Variants in QSOX2 observed in about 807,000 individuals in gnomAD.
QSOX2 encodes the protein quiescin sulfhydryl oxidase 2.
Under a neutral mutation model 61.7 loss-of-function variants are expected in QSOX2, and 46 were observed. The ratio of observed to expected loss-of-function variants is 0.75; its 90% CI spans 0.59 to 0.95. The LOEUF (loss-of-function observed/expected upper bound fraction) is 0.95, where lower values mean the gene tolerates loss of function less well. Ranked by LOEUF, QSOX2 falls within the 40% of genes least tolerant of loss-of-function variation. QSOX2 has a pLI of 0.00. For synonymous variants in QSOX2, 383 were observed against 388.4 expected, an observed-to-expected ratio of 0.99 and a Z score of 0.16; for missense variants, 879 against 918.9, an observed-to-expected ratio of 0.96 and a Z score of 0.56.
rs932714070 is a variant in QSOX2 at position 136,211,421 on chromosome 9, C to G, written c.1392G>C (p.Gln464His). The change falls in exon 11 of 12, where the codon CAG becomes CAC. Residue 464 changes from glutamine (Q) to histidine (H), a missense_variant. Physicochemically the swap from Gln to His is conservative, Grantham distance 24. Transcript: ENST00000358701. ...GFEDDPQAVL[Q>H]TMRRYVHTFF... is the part of the protein sequence containing the mutation. ...AGGTGTGAACGTACCTCCTCATTGT[C>G]TGCAGCACAGCCTGGGGGTCGTCTT... 4 of 1,614,048 alleles carry G rather than the reference C, an allele frequency of 2.5e-6. No homozygotes were observed. The highest frequency in any genetic ancestry group is 3.4e-6 in the Non-Finnish European group (4 of 1,180,040).
intron 2 of QSOX2, 146 bp downstream of exon 2, chr9:136,226,627 AC>A (rs1830284490): frequency 1.4e-6 from 1 of 738,180 alleles, no homozygotes; most frequent in South Asian, 1.5e-5. Flanking sequence ...TACAATTCCT[AC>A]GAAGTTCCAA....
Position 136,211,351 on chromosome 9 carries a change from T to C in QSOX2, c.1462A>G (p.Lys488Glu). The C allele has an allele frequency of 6.2e-7, 1 of 1,614,222 alleles. No individual in the cohort carries two copies. The highest frequency in any genetic ancestry group is 8.5e-7 in the Non-Finnish European group (1 of 1,180,042). Residue 488 changes from lysine to glutamate, a missense_variant, in exon 11 of 12, where the codon AAA (lysine) becomes GAA (glutamate). Physicochemically the swap from Lys to Glu is moderately conservative, Grantham distance 56. Coordinates refer to ENST00000358701, the MANE Select transcript of QSOX2 (RefSeq NM_181701.4). ...ECGEHFEEMAKESMDSVKTPD... is the reference protein window; with the variant it reads ...ECGEHFEEMAEESMDSVKTPD... The stretch of plus-strand genomic sequence containing the variant: ...GTTTTCACCGAGTCCATGGATTCTT[T>C]AGCCATTTCCTCAAAGTGCTCACCA...
In QSOX2 at chr9:136,216,502, G is replaced by C. The variant is rs954093248; in HGVS notation, c.1209+98C>G. 6 of 1,512,628 alleles carry C rather than the reference G, an allele frequency of 4.0e-6. No individual in the cohort carries two copies. The Admixed American group carries it at 1.0e-4, about 26-fold the overall frequency. The allele number at this position is 1,512,628 out of a possible 1,614,324, so 93.7% of individuals were successfully genotyped here. A position where few individuals can be genotyped will look rare whatever the true frequency, so the allele number is the denominator to read the frequency against. On this transcript the variant is annotated intron_variant, in intron 9 of 11. Coordinates refer to ENST00000358701, the MANE Select transcript of QSOX2 (RefSeq NM_181701.4). ...CACTGCTCCCCTTCCTCACAGCGGA[G>C]CCCGGGCCCCGAGCAGGGAGATGCA...
intron 1 of QSOX2, among the ~76,000 whole-genome samples, chr9:136,229,788 C>T (rs932388523): frequency 2.0e-5 from 3 of 152,234 alleles, no homozygotes; most frequent in Admixed American, 6.5e-5. Context: ...CCTGCTGCCC[C>T]AGGCACTTGC....
chr9:136,234,990 T>A (rs2131066549), intron 1 of QSOX2, among the ~76,000 whole-genome samples: 1 of 152,340 alleles, frequency 6.6e-6, no homozygotes, highest in Middle Eastern at 3.4e-3. Flanking sequence ...CCACTTCATC[T>A]GAGTCTACCC....
rs568037179 is a variant in QSOX2, at chr9:136,222,538, C to T, written c.676-597G>A. Among the ~76,000 whole-genome samples, 2 of 152,352 alleles carry T rather than the reference C, an allele frequency of 1.3e-5. No individual in the cohort carries two copies. The highest frequency in any genetic ancestry group is 4.1e-4 in the South Asian group (2 of 4,832). ...GAACAAAACCAGCTGCTCCTCAAACCAAGGGCCCTGGCTAAAGGTGTGAAC... is the reference window on the plus strand; with the variant it reads ...GAACAAAACCAGCTGCTCCTCAAACTAAGGGCCCTGGCTAAAGGTGTGAAC... On this transcript the variant is annotated intron_variant, in intron 5 of 11. Coordinates refer to ENST00000358701, the MANE Select transcript of QSOX2 (RefSeq NM_181701.4). The surrounding 1 kb of genome is among the most constrained non-coding windows in gnomAD (Gnocchi z 6.9).
chr9:136,209,328 A>ACGTGCAG lies in QSOX2; in HGVS notation c.1550-60_1550-54dup. 1 of 1,573,826 alleles carries ACGTGCAG rather than the reference A, an allele frequency of 6.4e-7. No individual in the cohort carries two copies. Among genetic ancestry groups the ACGTGCAG allele is most frequent in the South Asian group, 1.2e-5 (1 of 85,094 alleles). On this transcript the variant is annotated intron_variant, in intron 11 of 11. Coordinates refer to ENST00000358701, the MANE Select transcript of QSOX2 (RefSeq NM_181701.4). The surrounding 1 kb of genome is among the most constrained non-coding windows in gnomAD (Gnocchi z 5.6). ...AGAGGGAAGGAGGCTTTGTGCAGCC[A>ACGTGCAG]CGTGCAGCGTGCGGCAACCGGACTC...
chr9:136,241,204 G>A (rs1364414525), intron 1 of QSOX2, among the ~76,000 whole-genome samples: 2 of 152,102 alleles, frequency 1.3e-5, no homozygotes, highest in African/African-American at 4.8e-5. Context: ...GCCATTTCTG[G>A]GCCCGTAAGG....
At position 136,225,040 on chromosome 9, in the gene QSOX2, T is replaced by G. The variant is rs374095240; in HGVS notation, c.430-131A>C. 32 of 603,458 alleles carry G rather than the reference T, an allele frequency of 5.3e-5. No homozygotes were observed. The South Asian group carries it at 6.8e-4, about 13-fold the overall frequency. The allele number at this position is 603,458 out of a possible 1,614,324, so 37.4% of individuals were successfully genotyped here. ...CCTTCGGAAAGTTTTCATAAATTAA[T>G]GACAAACCACACGCTTCTCCTTGTC... On this transcript the variant is annotated intron_variant, in intron 2 of 11. Coordinates refer to ENST00000358701, the MANE Select transcript of QSOX2 (RefSeq NM_181701.4).
intron 2 of QSOX2, among the ~76,000 whole-genome samples, chr9:136,225,491 C>A (rs1015737216): frequency 1.1e-4 from 16 of 152,234 alleles, no homozygotes; most frequent in African/African-American, 3.6e-4. Context: ...ACACCCACGG[C>A]CCACAAAGCC....
At chr9:136,234,755 C>T (rs1160212221) in intron 1 of QSOX2, among the ~76,000 whole-genome samples, 4 of 143,578 alleles carry the variant, frequency 2.8e-5, no homozygotes, top group African/African-American at 1.1e-4. Context: ...CCACAAGGCC[C>T]CCCAGCTCCA....
At chr9:136,212,248 G>A (rs1330678657) in intron 10 of QSOX2, among the ~76,000 whole-genome samples, 1 of 152,222 alleles carries the variant, frequency 6.6e-6, no homozygotes, top group Non-Finnish European at 1.5e-5. Flanking sequence ...ATGGGGCGGG[G>A]CTCGGCAGTC....
rs751465550 is a variant in QSOX2 at position 136,211,463 on chromosome 9, AGAAACACTGCT to A, written c.1361-22_1361-12del. Reference sequence around the variant, plus strand: ...GGTCGTCTTCAAAGCCTGCAGGGGAAGAAACACTGCTGACAACGGCAGGTGCGTGGGCATCA... The same window carrying A: ...GGTCGTCTTCAAAGCCTGCAGGGGAAGACAACGGCAGGTGCGTGGGCATCA... On this transcript the variant is annotated splice_polypyrimidine_tract_variant and intron_variant, in intron 10 of 11. Transcript: ENST00000358701. 4 of 1,611,860 alleles carry A rather than the reference AGAAACACTGCT, an allele frequency of 2.5e-6. No individual in the cohort carries two copies. Among genetic ancestry groups the A allele is most frequent in the African/African-American group, 1.3e-5 (1 of 74,926 alleles).
chr9:136,232,153 C>T (rs1386075670), intron 1 of QSOX2, among the ~76,000 whole-genome samples: 1 of 152,096 alleles, frequency 6.6e-6, no homozygotes, highest in Non-Finnish European at 1.5e-5. Flanking sequence ...AAGGAAATGA[C>T]GTTGACAGAA....
chr9:136,228,039 C>G (rs1208248630), intron 1 of QSOX2, among the ~76,000 whole-genome samples: 1 of 152,178 alleles, frequency 6.6e-6, no homozygotes, highest in Non-Finnish European at 1.5e-5. Flanking sequence ...CTGGTGGGTC[C>G]TGGCACTTTC....
chr9:136,208,915 T>C lies in QSOX2; in HGVS notation c.1910A>G (p.Asp637Gly). The C allele has an allele frequency of 6.2e-7, 1 of 1,613,896 alleles. No individual in the cohort carries two copies. The highest frequency in any genetic ancestry group is 1.7e-5 in the Admixed American group (1 of 60,020). ...CACCTCCTTGTGGGCCCCGGGCCCA[T>C]CCAGACTCTGGAGTTTCCCGTCCAA... is the stretch of plus-strand genomic sequence containing the variant. ...HSLDGKLQSL[D>G]GPGAHKEVGG... The change falls in exon 12 of 12, where the codon GAT becomes GGT. Residue 637 changes from aspartate to glycine, a missense_variant. By Grantham distance (94) the Asp-to-Gly change is moderately conservative (BLOSUM62 -1). Coordinates refer to ENST00000358701, the MANE Select transcript of QSOX2 (RefSeq NM_181701.4).
At chr9:136,234,405 C>T (rs904113045) in intron 1 of QSOX2, among the ~76,000 whole-genome samples, 3 of 152,172 alleles carry the variant, frequency 2.0e-5, no homozygotes, top group Non-Finnish European at 2.9e-5. Flanking sequence ...CAACTGCACA[C>T]GTAACGGGAG....
intron 1 of QSOX2, among the ~76,000 whole-genome samples, chr9:136,233,048 G>A (rs1588639719): frequency 1.3e-5 from 2 of 152,122 alleles, no homozygotes; most frequent in African/African-American, 4.8e-5. Flanking sequence ...CAAAGGACAT[G>A]AATTAGGAAG....
In QSOX2 at chr9:136,223,841, A is replaced by T. The variant is rs750968685; in HGVS notation, c.597T>A (p.Val199=). 13 of 1,613,996 alleles carry T rather than the reference A, an allele frequency of 8.1e-6. No homozygotes were observed. The highest frequency in any genetic ancestry group is 5.0e-5 in the Admixed American group (3 of 60,006). The change falls in exon 5 of 12, where the codon GTT becomes GTA. Residue 199 remains valine (V), a synonymous_variant. Transcript: ENST00000358701. The surrounding 1 kb of genome is among the most constrained non-coding windows in gnomAD (Gnocchi z 4.4). Reference sequence around the variant, plus strand: ...TGCCACGGTTGTCAAGAAGGGAAAGAACATCACTGGGCCTTTCAAGAGGAA... The same window carrying T: ...TGCCACGGTTGTCAAGAAGGGAAAGTACATCACTGGGCCTTTCAAGAGGAA... ...PRLDPIQPSD[V]LSLLDNRGSH...
Sources: allele counts gnomAD v4.1 joint callset (sites outside exome capture counted in the v4.1 genomes callset), GRCh38; gene constraint gnomAD v4.1.1; non-coding constraint Gnocchi (gnomAD v3.1); transcripts MANE v1.5; gene names NCBI Gene and HGNC (gene_info 2026-07-23, HGNC 2026-07-21).